The following MYO1E variants were observed in gnomAD, a reference collection of about 807,000 sequenced individuals.
The protein encoded by MYO1E is unconventional myosin-Ie.
A neutral mutation model predicts 151.1 loss-of-function variants in MYO1E; 68 were observed. The ratio of observed to expected loss-of-function variants is 0.45; its 90% CI spans 0.37 to 0.55. The LOEUF (loss-of-function observed/expected upper bound fraction) is 0.55. Among genes scored for constraint, MYO1E ranks in the 20% least tolerant of loss-of-function variants. MYO1E has a pLI of 0.00. For missense variants in MYO1E, 1,363 were observed against 1,389.3 expected (o/e 0.98, Z 0.30); for synonymous variants, 601 against 501.7 (o/e 1.20, Z -2.64).
At chr15:59,242,946 A>G (rs2080108800) in intron 4 of MYO1E, among the ~76,000 whole-genome samples, 1 of 152,204 alleles carries the variant, frequency 6.6e-6, no homozygotes, top group Non-Finnish European at 1.5e-5. Flanking sequence ...AAACACAGAG[A>G]ACAAGATAGA....
intron 1 of MYO1E, among the ~76,000 whole-genome samples, chr15:59,367,922 C>T (rs1471480846): frequency 2.6e-5 from 4 of 152,030 alleles, no homozygotes; most frequent in African/African-American, 9.7e-5. Context: ...GAGTTTGAGA[C>T]CAGCCTGGCC....
At chr15:59,138,103 G>C (rs775333429) in intron 27 of MYO1E, 95 bp downstream of exon 27, 8 of 1,461,780 alleles carry the variant, frequency 5.5e-6, no homozygotes, top group Admixed American at 1.7e-5. Flanking sequence ...AGTTTGAGGA[G>C]CCCATAAATT....
intron 4 of MYO1E, among the ~76,000 whole-genome samples, chr15:59,241,440 C>T (rs905186034): frequency 2.6e-5 from 4 of 152,164 alleles, no homozygotes; most frequent in African/African-American, 7.2e-5. Context: ...GCCTATAATC[C>T]CAGCACTTTG....
chr15:59,194,061 C>A (rs1307399649), intron 17 of MYO1E, among the ~76,000 whole-genome samples: 5 of 152,012 alleles, frequency 3.3e-5, no homozygotes, highest in African/African-American at 1.2e-4. Flanking sequence ...GTAATCTCAA[C>A]TACTCAGGAG....
intron 4 of MYO1E, among the ~76,000 whole-genome samples, chr15:59,246,372 G>A (rs2080130115): frequency 6.6e-6 from 1 of 152,118 alleles, no homozygotes; most frequent in Admixed American, 6.5e-5. Flanking sequence ...CCCACCTGCT[G>A]GGATTACAGG....
intron 26 of MYO1E, among the ~76,000 whole-genome samples, chr15:59,143,123 A>C (rs2140300910): frequency 6.6e-6 from 1 of 152,148 alleles, no homozygotes; most frequent in Middle Eastern, 3.4e-3. Context: ...AGGATAAGTG[A>C]CTCCTGGCCA....
intron 1 of MYO1E, among the ~76,000 whole-genome samples, chr15:59,312,616 A>G (rs570052116): frequency 3.3e-5 from 5 of 152,218 alleles, no homozygotes; most frequent in Non-Finnish European, 7.4e-5. Flanking sequence ...CTCCTGCCTC[A>G]GCCTCCCAAA....
chr15:59,196,179 A>G (rs1400799614), intron 16 of MYO1E, among the ~76,000 whole-genome samples: 1 of 152,200 alleles, frequency 6.6e-6, no homozygotes, highest in African/African-American at 2.4e-5. Context: ...AAAAACCTGC[A>G]GAGTCTGAAC....
intron 13 of MYO1E, among the ~76,000 whole-genome samples, chr15:59,209,815 CTTTTTTTTTTTTTTTTTT>C (rs71119441): frequency 3.0e-4 from 15 of 49,870 alleles, no homozygotes; most frequent in Middle Eastern, 0.015. Flanking sequence ...TTTGAATCAC[CTTTTTTTTTTTTTTTTTT>C]TTTTTTTTTT....
chr15:59,154,970 C>G (rs2079501646), intron 25 of MYO1E, among the ~76,000 whole-genome samples: 1 of 152,198 alleles, frequency 6.6e-6, no homozygotes, highest in Non-Finnish European at 1.5e-5. Flanking sequence ...CAGATCAGAA[C>G]TAGACATTTG....
chr15:59,249,101 C>A (rs888229140), intron 4 of MYO1E, among the ~76,000 whole-genome samples: 5 of 152,130 alleles, frequency 3.3e-5, no homozygotes, highest in Non-Finnish European at 5.9e-5. Context: ...GAAAGCAGCA[C>A]GTCTCCTTCC....
chr15:59,297,134 G>A (rs7174035), intron 1 of MYO1E, among the ~76,000 whole-genome samples: 3,294 of 150,356 alleles, frequency 0.022, 108 homozygotes, highest in African/African-American at 0.074. Context: ...TTACGGGCGC[G>A]AGCCACCGCA....
At chr15:59,302,858 T>C (rs1381438769) in intron 1 of MYO1E, among the ~76,000 whole-genome samples, 5 of 152,146 alleles carry the variant, frequency 3.3e-5, no homozygotes, top group Admixed American at 6.6e-5. Context: ...AAAAATGGCA[T>C]TGGAAGTTAA....
chr15:59,236,760 A>C, intron 4 of MYO1E, 88 bp from the exon 5 acceptor site: 18 of 1,249,328 alleles, frequency 1.4e-5, no homozygotes, highest in Non-Finnish European at 2.0e-5. Context: ...AAACAAACAA[A>C]CAAACAAAAA....
chr15:59,215,242 T>C (rs552010763), intron 10 of MYO1E, among the ~76,000 whole-genome samples: 12 of 152,258 alleles, frequency 7.9e-5, no homozygotes, highest in African/African-American at 2.9e-4. Flanking sequence ...TATTTTTGAA[T>C]TGATAATAGA....
rs763837792 is a variant in MYO1E, at chr15:59,154,628, T to C, written c.2879-837A>G. Among the ~76,000 whole-genome samples the C allele has an allele frequency of 2.6e-4, 39 of 152,148 alleles. 1 individual carries two copies. Among genetic ancestry groups the C allele is most frequent in the Admixed American group, 9.8e-4 (15 of 15,276 alleles). ...CTTCCAACCAAATTAAGAGAACTCT[T>C]TGGTACCAGTGGGATGACCCTTAGG... On this transcript the variant is annotated intron_variant, in intron 25 of 27. Transcript: ENST00000288235.
chr15:59,152,064 C>CT (rs1305777578), intron 26 of MYO1E, among the ~76,000 whole-genome samples: 1 of 150,116 alleles, frequency 6.7e-6, no homozygotes, highest in African/African-American at 2.5e-5. Context: ...GAGACTCCGT[C>CT]TAAAAAAAAA....
intron 12 of MYO1E, among the ~76,000 whole-genome samples, chr15:59,213,450 C>T (rs1177588908): frequency 6.6e-6 from 1 of 151,910 alleles, no homozygotes; most frequent in Non-Finnish European, 1.5e-5. Flanking sequence ...GGATTACAGG[C>T]ATGAGCCACT....
intron 4 of MYO1E, among the ~76,000 whole-genome samples, chr15:59,244,337 G>T (rs985012912): frequency 1.8e-4 from 27 of 152,300 alleles, no homozygotes; most frequent in African/African-American, 6.3e-4. Flanking sequence ...CTACTTCCCA[G>T]CTCTGAAATT....
Sources: allele counts gnomAD v4.1 joint callset (sites outside exome capture counted in the v4.1 genomes callset), GRCh38; gene constraint gnomAD v4.1.1; transcripts MANE v1.5; gene names NCBI Gene and HGNC (gene_info 2026-07-23, HGNC 2026-07-21).